FGF14: variants seen among roughly 807,000 people sequenced by gnomAD.
FGF14 encodes the protein fibroblast growth factor 14, also known as fibroblast growth factor homologous factor 4.
A neutral mutation model predicts 25.5 loss-of-function variants in FGF14; 5 were observed. That is an observed-to-expected ratio of 0.20 (90% CI 0.10 to 0.41). The LOEUF (loss-of-function observed/expected upper bound fraction) is 0.41, where lower values mean the gene tolerates loss of function less well. Among genes scored for constraint, FGF14 ranks in the 10% least tolerant of loss-of-function variants. The probability of loss-of-function intolerance (pLI) is 1.00; values close to 1 mark genes in which losing one functional copy is unlikely to be tolerated. For missense variants in FGF14, 222 were observed against 320.1 expected (o/e 0.69, Z 2.34); for synonymous variants, 138 against 118.3 (o/e 1.17, Z -1.08).
intron 1 of FGF14, among the ~76,000 whole-genome samples, chr13:102,004,500 T>C (rs1217322892): frequency 6.6e-6 from 1 of 152,188 alleles, no homozygotes; most frequent in Non-Finnish European, 1.5e-5. Flanking sequence ...TTTACTGGAA[T>C]GTGTGAAAAC....
chr13:102,246,028 T>C (rs570070392), intron 1 of FGF14, among the ~76,000 whole-genome samples: 18 of 152,190 alleles, frequency 1.2e-4, no homozygotes, highest in African/African-American at 4.3e-4. Context: ...ATTCCTTTCT[T>C]TCTAAAACAG....
chr13:101,930,985 G>A (rs2034714031), intron 1 of FGF14, among the ~76,000 whole-genome samples: 1 of 152,142 alleles, frequency 6.6e-6, no homozygotes, highest in Non-Finnish European at 1.5e-5. Context: ...TTGTGTTTTA[G>A]CATGCCCTTC....
At chr13:102,127,517 A>G (rs535148058) in intron 1 of FGF14, among the ~76,000 whole-genome samples, 104 of 152,358 alleles carry the variant, frequency 6.8e-4, no homozygotes, top group Non-Finnish European at 1.9e-4. Flanking sequence ...GTTATCTATC[A>G]TAAGGAAGAA....
At chr13:102,216,265 T>C (rs1278566363) in intron 1 of FGF14, among the ~76,000 whole-genome samples, 1 of 152,132 alleles carries the variant, frequency 6.6e-6, no homozygotes, top group Non-Finnish European at 1.5e-5. Context: ...AGCCACATCA[T>C]TCTACCAGAT....
At chr13:102,355,005 T>C (rs1166054085) in intron 1 of FGF14, among the ~76,000 whole-genome samples, 1 of 152,196 alleles carries the variant, frequency 6.6e-6, no homozygotes, top group Non-Finnish European at 1.5e-5. Flanking sequence ...CTTACATATT[T>C]TGTAGCCCAT....
At chr13:102,010,039 G>C (rs936242662) in intron 1 of FGF14, among the ~76,000 whole-genome samples, 2 of 152,130 alleles carry the variant, frequency 1.3e-5, no homozygotes, top group African/African-American at 4.8e-5. Context: ...AAAGAATCAA[G>C]TCCTTCTAAA....
chr13:101,851,398 G>C (rs1003794612), intron 3 of FGF14, among the ~76,000 whole-genome samples: 6 of 151,992 alleles, frequency 3.9e-5, no homozygotes, highest in African/African-American at 9.7e-5. Context: ...CCTCGATCTC[G>C]GGCTTCTGAC....
At chr13:102,096,328 G>A (rs2044397688) in intron 1 of FGF14, among the ~76,000 whole-genome samples, 1 of 151,906 alleles carries the variant, frequency 6.6e-6, no homozygotes, top group South Asian at 2.1e-4. Context: ...TAGAATTGAG[G>A]ACTAGTCCTC....
chr13:101,926,597 C>T (rs1269656534), intron 1 of FGF14, among the ~76,000 whole-genome samples: 1 of 152,180 alleles, frequency 6.6e-6, no homozygotes, highest in Non-Finnish European at 1.5e-5. Flanking sequence ...CACATAAATC[C>T]ATGAAGAATT....
intron 3 of FGF14, among the ~76,000 whole-genome samples, chr13:101,866,418 G>T (rs1260972679): frequency 6.6e-6 from 1 of 152,050 alleles, no homozygotes; most frequent in African/African-American, 2.4e-5. Context: ...TCTACCACCT[G>T]AGTGACTTTG....
chr13:101,763,548 T>A (rs2038181429), intron 3 of FGF14, among the ~76,000 whole-genome samples: 1 of 151,222 alleles, frequency 6.6e-6, no homozygotes, highest in African/African-American at 2.4e-5. Context: ...CTCTCTAGCG[T>A]TAATTTGAGG....
chr13:102,191,990 T>A (rs2049142741), intron 1 of FGF14, among the ~76,000 whole-genome samples: 1 of 152,196 alleles, frequency 6.6e-6, no homozygotes, highest in South Asian at 2.1e-4. Flanking sequence ...TCAAGATATC[T>A]CTTTTTCATT....
intron 1 of FGF14, among the ~76,000 whole-genome samples, chr13:101,900,450 G>C (rs549318959): frequency 1.3e-5 from 2 of 152,160 alleles, no homozygotes; most frequent in East Asian, 1.9e-4. Flanking sequence ...TGAGATAAAA[G>C]AGAAAAGGTA....
intron 3 of FGF14, among the ~76,000 whole-genome samples, chr13:101,765,318 G>T (rs982579457): frequency 1.4e-4 from 21 of 152,276 alleles, no homozygotes; most frequent in Non-Finnish European, 5.9e-5. Context: ...AAAATTCCCT[G>T]TTTGGGTCAA....
chr13:102,117,820 G>A (rs2045543855), intron 1 of FGF14, among the ~76,000 whole-genome samples: 1 of 152,168 alleles, frequency 6.6e-6, no homozygotes, highest in East Asian at 1.9e-4. Flanking sequence ...TTACGTATGT[G>A]TATTTGTTTA....
At chr13:102,385,460 G>C (rs577673909) in intron 1 of FGF14, among the ~76,000 whole-genome samples, 2 of 152,248 alleles carry the variant, frequency 1.3e-5, no homozygotes, top group East Asian at 3.9e-4. Flanking sequence ...ACAGGAAACA[G>C]ACATACTTAA....
intron 1 of FGF14, among the ~76,000 whole-genome samples, chr13:101,904,316 G>A (rs988160221): frequency 6.6e-6 from 1 of 152,070 alleles, no homozygotes; most frequent in Admixed American, 6.6e-5. Flanking sequence ...ATGGAAATGT[G>A]TGAGACAAAA....
intron 3 of FGF14, among the ~76,000 whole-genome samples, chr13:101,839,822 T>G (rs182243412): frequency 2.1e-3 from 312 of 152,138 alleles, no homozygotes; most frequent in African/African-American, 7.1e-3. Context: ...ATGTAATGTA[T>G]GCTCTATGCT....
chr13:101,920,163 G>A (rs148660441), upstream of FGF14, among the ~76,000 whole-genome samples: 5 of 152,284 alleles, frequency 3.3e-5, no homozygotes, highest in African/African-American at 7.2e-5. Flanking sequence ...CAAAGCTAGG[G>A]TGAAAACCAA....
Sources: gnomAD v4.1 joint callset for allele counts (sites outside exome capture counted in the v4.1 genomes callset) on GRCh38, gnomAD v4.1.1 for gene constraint, MANE v1.5 for transcripts, NCBI Gene and HGNC (gene_info 2026-07-23, HGNC 2026-07-21) for gene names.